The following MOB3B variants were observed in gnomAD, a reference collection of about 807,000 sequenced individuals.
MOB3B encodes MOB kinase activator-like 2B.
In MOB3B, 7 loss-of-function variants were observed where a neutral mutation model predicts 18.7. The ratio of observed to expected loss-of-function variants is 0.37; its 90% CI spans 0.21 to 0.70. The LOEUF (loss-of-function observed/expected upper bound fraction) is 0.70, where lower values mean the gene tolerates loss of function less well. Among genes scored for constraint, MOB3B ranks in the 30% least tolerant of loss-of-function variants. The pLI is 0.52. For missense variants in MOB3B, 253 were observed against 281.3 expected (o/e 0.90, Z 0.72); for synonymous variants, 111 against 99.9 (o/e 1.11, Z -0.66).
At chr9:27,493,963 G>A (rs944051728) in intron 1 of MOB3B, among the ~76,000 whole-genome samples, 1 of 152,080 alleles carries the variant, frequency 6.6e-6, no homozygotes, top group Non-Finnish European at 1.5e-5. Context: ...GAGAAATATC[G>A]CTGAATTATT....
intron 3 of MOB3B, among the ~76,000 whole-genome samples, chr9:27,344,522 G>A (rs1197872610): frequency 6.6e-6 from 1 of 152,220 alleles, no homozygotes; most frequent in Non-Finnish European, 1.5e-5. Context: ...CACCCACTGA[G>A]CACCTATGAA....
intron 2 of MOB3B, among the ~76,000 whole-genome samples, chr9:27,370,278 G>A (rs1237471278): frequency 6.6e-6 from 1 of 152,044 alleles, no homozygotes; most frequent in African/African-American, 2.4e-5. Context: ...GGAGGCTAAG[G>A]TGGGCAGATC....
intron 1 of MOB3B, among the ~76,000 whole-genome samples, chr9:27,505,291 G>A (rs76901296): frequency 2.0e-5 from 3 of 152,226 alleles, no homozygotes; most frequent in African/African-American, 4.8e-5. Context: ...AGACCTCCCC[G>A]GGAAAGGGCA....
At chr9:27,491,065 T>C (rs1374021972) in intron 1 of MOB3B, among the ~76,000 whole-genome samples, 1 of 152,130 alleles carries the variant, frequency 6.6e-6, no homozygotes, top group African/African-American at 2.4e-5. Flanking sequence ...CAAACGGTCC[T>C]AGTGTCTCAT....
intron 3 of MOB3B, among the ~76,000 whole-genome samples, chr9:27,357,149 T>TATATATATATATATATATATATATATA (rs1338116205): frequency 1.6e-4 from 7 of 44,374 alleles, no homozygotes; most frequent in Non-Finnish European, 2.4e-4. Context: ...TATATATGTG[T>TATATATATATATATATATATATATATA]TTTTTTTTTT....
chr9:27,365,364 C>CTTTTTT (rs55691019), intron 2 of MOB3B, among the ~76,000 whole-genome samples: 5 of 116,492 alleles, frequency 4.3e-5, no homozygotes, highest in Admixed American at 9.3e-5. Flanking sequence ...TCCTTCTTCT[C>CTTTTTT]TTTTTTTTTT....
intron 2 of MOB3B, among the ~76,000 whole-genome samples, chr9:27,377,480 G>A (rs1159888782): frequency 6.6e-6 from 1 of 152,082 alleles, no homozygotes; most frequent in Non-Finnish European, 1.5e-5. Flanking sequence ...GAGAAGGGAG[G>A]GGACCACCCT....
At chr9:27,378,532 G>A (rs1276025656) in intron 2 of MOB3B, 1 of 470,978 alleles carries the variant, frequency 2.1e-6, no homozygotes, top group African/African-American at 2.0e-5. Flanking sequence ...GAACCAGGGG[G>A]CAGCTTGGCC....
chr9:27,414,954 G>A (rs996674781), intron 2 of MOB3B, among the ~76,000 whole-genome samples: 33 of 152,066 alleles, frequency 2.2e-4, no homozygotes, highest in African/African-American at 6.7e-4. Context: ...CTCCGCCTCC[G>A]GGGTTCAAAC....
chr9:27,360,014 A>G (rs112618073), intron 2 of MOB3B, among the ~76,000 whole-genome samples: 5,319 of 152,214 alleles, frequency 0.035, 327 homozygotes, highest in African/African-American at 0.12. Flanking sequence ...CTCCCCTTCC[A>G]GCTGTATGAC....
chr9:27,515,260 A>T (rs1820214782), intron 1 of MOB3B, among the ~76,000 whole-genome samples: 1 of 152,136 alleles, frequency 6.6e-6, no homozygotes, highest in Non-Finnish European at 1.5e-5. Context: ...ATATATTTCT[A>T]TAAATGGTTT....
At chr9:27,502,933 A>G (rs1260866554) in intron 1 of MOB3B, among the ~76,000 whole-genome samples, 2 of 152,220 alleles carry the variant, frequency 1.3e-5, no homozygotes, top group Non-Finnish European at 2.9e-5. Flanking sequence ...GTCCTCTATT[A>G]TCCTGTTCAT....
In MOB3B at chr9:27,408,241, C is replaced by T. The variant is rs540718486; in HGVS notation, c.418+46892G>A. On this transcript the variant is annotated intron_variant, in intron 2 of 3. Coordinates refer to ENST00000262244, the MANE Select transcript of MOB3B (RefSeq NM_024761.5). ...CTCAGCTACTGGAAGGATGCATGTACCACGTCTGAAACACTCAGCAAGCTC... is the reference window on the plus strand; with the variant it reads ...CTCAGCTACTGGAAGGATGCATGTATCACGTCTGAAACACTCAGCAAGCTC... Among the ~76,000 whole-genome samples the T allele has an allele frequency of 3.0e-3, 460 of 152,296 alleles. 2 individuals are homozygous for T. Among genetic ancestry groups the T allele is most frequent in the Middle Eastern group, 6.8e-3 (2 of 294 alleles).
chr9:27,406,956 A>G (rs562960540), intron 2 of MOB3B, among the ~76,000 whole-genome samples: 1 of 151,986 alleles, frequency 6.6e-6, no homozygotes, highest in African/African-American at 2.4e-5. Context: ...CTCCTGCCTC[A>G]GCCTCCTGAG....
In MOB3B at chr9:27,326,732, T is replaced by C. The variant is rs1820717183; in HGVS notation, c.*3855A>G. ...TACCCAGGGAAGAGAAAACGAACAA[T>C]TTAAGAAGCAGGAAATGACTCTAGA... On this transcript the variant is annotated 3_prime_UTR_variant, in exon 4 of 4. Transcript: ENST00000262244. 1 of 396,962 alleles carries C rather than the reference T, an allele frequency of 2.5e-6. No individual in the cohort carries two copies. Among genetic ancestry groups the C allele is most frequent in the African/African-American group, 2.1e-5 (1 of 48,600 alleles). 24.6% of individuals were successfully genotyped at this position (396,962 alleles called of 1,614,324 possible). A position where few individuals can be genotyped will look rare whatever the true frequency, so the allele number is the denominator to read the frequency against.
chr9:27,521,815 T>C (rs1232160135), intron 1 of MOB3B, among the ~76,000 whole-genome samples: 1 of 152,148 alleles, frequency 6.6e-6, no homozygotes, highest in African/African-American at 2.4e-5. Context: ...TTAGGGAGAA[T>C]CCACATTTTC....
At chr9:27,374,510 G>T (rs1166676186) in intron 2 of MOB3B, among the ~76,000 whole-genome samples, 1 of 152,044 alleles carries the variant, frequency 6.6e-6, no homozygotes, top group African/African-American at 2.4e-5. Flanking sequence ...CACAACTTTT[G>T]AGGAGAACTG....
rs1470508698 is a variant in MOB3B, at chr9:27,462,022, A to G, written c.-198-6274T>C. On this transcript the variant is annotated intron_variant, in intron 1 of 3. Coordinates refer to ENST00000262244, the MANE Select transcript of MOB3B (RefSeq NM_024761.5). ...GAGAATAATGTTCCTTCTGGACACCAGTACCAACTAGCTTAGATTCCCAAC... is the reference window on the plus strand; with the variant it reads ...GAGAATAATGTTCCTTCTGGACACCGGTACCAACTAGCTTAGATTCCCAAC... Among the ~76,000 whole-genome samples, 4 of 152,256 alleles carry G rather than the reference A, an allele frequency of 2.6e-5. No homozygotes were observed. In the East Asian group the frequency reaches 7.7e-4, roughly 29 times the overall value.
intron 1 of MOB3B, among the ~76,000 whole-genome samples, chr9:27,458,517 G>GT (rs34061911): frequency 2.9e-3 from 377 of 128,166 alleles, no homozygotes; most frequent in Middle Eastern, 0.011. Flanking sequence ...TTGAAGATAT[G>GT]TTTTTTTTTT....
Sources: allele counts gnomAD v4.1 joint callset (sites outside exome capture counted in the v4.1 genomes callset), GRCh38; gene constraint gnomAD v4.1.1; transcripts MANE v1.5; gene names NCBI Gene and HGNC (gene_info 2026-07-23, HGNC 2026-07-21).